The following LINGO2 variants were observed in gnomAD, a reference collection of about 807,000 sequenced individuals.
The protein encoded by LINGO2 is leucine-rich repeat and immunoglobulin-like domain-containing nogo receptor-interacting protein 2.
In LINGO2, 14 loss-of-function variants were observed where a neutral mutation model predicts 30.6. That is an observed-to-expected ratio of 0.46 (90% CI 0.30 to 0.72). The LOEUF (loss-of-function observed/expected upper bound fraction) is 0.72. Among genes scored for constraint, LINGO2 ranks in the 30% least tolerant of loss-of-function variants. The pLI is 0.07. For synonymous variants in LINGO2, 317 were observed against 288.5 expected (o/e 1.10, Z -1.00); for missense variants, 729 against 751.7 (o/e 0.97, Z 0.35).
chr9:28,465,006 T>C (rs1825237702), intron 2 of LINGO2, among the ~76,000 whole-genome samples: 1 of 152,118 alleles, frequency 6.6e-6, no homozygotes, highest in Non-Finnish European at 1.5e-5. Flanking sequence ...GCAAGTAACT[T>C]TGGGCGCCGC....
exon 6 of LINGO2, chr9:27,948,843 G>A (rs1233477459): frequency 1.9e-6 from 3 of 1,600,452 alleles, no homozygotes; most frequent in Admixed American, 1.7e-5. Context: ...AATGTGAGGG[G>A]TGGGCCTTCA....
chr9:28,848,733 G>T, the LINGO2 span, among the ~76,000 whole-genome samples: 61 of 151,590 alleles, frequency 4.0e-4, no homozygotes, highest in African/African-American at 1.4e-3. Context: ...TTTGAACAGG[G>T]TGAAAAGAAA....
chr9:28,478,673 T>C (rs575741400), intron 1 of LINGO2, among the ~76,000 whole-genome samples: 1 of 152,248 alleles, frequency 6.6e-6, no homozygotes. Context: ...CATTTTCCTC[T>C]TCAGACAAAT....
At chr9:28,082,506 C>A (rs532712565) in intron 4 of LINGO2, among the ~76,000 whole-genome samples, 3 of 152,046 alleles carry the variant, frequency 2.0e-5, no homozygotes, top group African/African-American at 7.2e-5. Context: ...TGATTTCTAG[C>A]TGTAAATTAT....
chr9:28,332,173 C>G (rs566938103), intron 3 of LINGO2, among the ~76,000 whole-genome samples: 60 of 152,032 alleles, frequency 3.9e-4, no homozygotes, highest in Non-Finnish European at 7.5e-4. Context: ...AGGCACCTTT[C>G]AATCTCTTTT....
At chr9:28,334,897 G>C (rs1026006492) in intron 3 of LINGO2, among the ~76,000 whole-genome samples, 2 of 152,246 alleles carry the variant, frequency 1.3e-5, no homozygotes, top group Admixed American at 1.3e-4. Flanking sequence ...CAGGCACAAA[G>C]ACAAAGCAGG....
intron 3 of LINGO2, among the ~76,000 whole-genome samples, chr9:28,332,228 T>C (rs1050291971): frequency 1.3e-4 from 20 of 152,098 alleles, no homozygotes; most frequent in African/African-American, 4.8e-4. Flanking sequence ...TAAAAAATCC[T>C]GAAAAGTAGA....
At chr9:28,117,676 A>T (rs1826964101) in intron 4 of LINGO2, among the ~76,000 whole-genome samples, 2 of 136,592 alleles carry the variant, frequency 1.5e-5, no homozygotes, top group Non-Finnish European at 3.1e-5. Context: ...CCGATTTTCC[A>T]GGTGCGTCCG....
intron 4 of LINGO2, among the ~76,000 whole-genome samples, chr9:28,232,776 A>C (rs1282828050): frequency 2.0e-5 from 3 of 151,358 alleles, no homozygotes; most frequent in Non-Finnish European, 4.4e-5. Context: ...CTCACTCCCC[A>C]TGCCCTGCCA....
chr9:28,472,590 T>TA (rs956754491), intron 2 of LINGO2, among the ~76,000 whole-genome samples: 4 of 152,094 alleles, frequency 2.6e-5, no homozygotes, highest in South Asian at 2.1e-4. Context: ...ATATTTAGAT[T>TA]AAAAAAACCC....
At chr9:28,957,607 A>G in the LINGO2 span, among the ~76,000 whole-genome samples, 2 of 152,146 alleles carry the variant, frequency 1.3e-5, no homozygotes, top group Non-Finnish European at 2.9e-5. Context: ...AATGTCTCCA[A>G]TCTGTGGAAT....
intron 5 of LINGO2, among the ~76,000 whole-genome samples, chr9:27,986,184 A>T (rs1821115396): frequency 6.6e-6 from 1 of 151,552 alleles, no homozygotes; most frequent in Non-Finnish European, 1.5e-5. Flanking sequence ...GCCAGAGAAG[A>T]CAGAAAAGAG....
At chr9:28,927,581 C>T in the LINGO2 span, among the ~76,000 whole-genome samples, 1 of 152,100 alleles carries the variant, frequency 6.6e-6, no homozygotes, top group Non-Finnish European at 1.5e-5. Flanking sequence ...TAAATTCTTA[C>T]CCCTCAGGAC....
chr9:28,651,476 A>G (rs543149048), intron 1 of LINGO2, among the ~76,000 whole-genome samples: 128 of 152,196 alleles, frequency 8.4e-4, no homozygotes, highest in South Asian at 1.7e-3. Flanking sequence ...CTGCTCCCCA[A>G]TGCAAGAACA....
intron 1 of LINGO2, among the ~76,000 whole-genome samples, chr9:28,497,157 A>C (rs1819666982): frequency 6.6e-6 from 1 of 152,042 alleles, no homozygotes; most frequent in Admixed American, 6.6e-5. Context: ...TCTTCTCGAG[A>C]AGTATCTCTG....
At chr9:28,551,689 C>T (rs1822290745) in intron 1 of LINGO2, among the ~76,000 whole-genome samples, 1 of 152,018 alleles carries the variant, frequency 6.6e-6, no homozygotes, top group African/African-American at 2.4e-5. Flanking sequence ...AATTTCTCTG[C>T]AATATGATTA....
rs575639911 is a variant in LINGO2 at position 28,317,218 on chromosome 9, T to C, written c.-245-21852A>G. Among the ~76,000 whole-genome samples, 25 of 152,046 alleles carry C rather than the reference T, an allele frequency of 1.6e-4. No individual in the cohort carries two copies. The South Asian group carries it at 4.6e-3, about 28-fold the overall frequency. On this transcript the variant is annotated intron_variant, in intron 3 of 5. Transcript: ENST00000379992. ...TGCATTCAGCATGTGATGCATTTTGTCAGTATGAGTTCCATATATATTTGT... is the reference window on the plus strand; with the variant it reads ...TGCATTCAGCATGTGATGCATTTTGCCAGTATGAGTTCCATATATATTTGT...
chr9:28,285,398 ATTTTTTTTT>A (rs34034595), intron 4 of LINGO2, among the ~76,000 whole-genome samples: 2 of 76,166 alleles, frequency 2.6e-5, no homozygotes, highest in South Asian at 1.2e-3. Flanking sequence ...GCCCAAGATC[ATTTTTTTTT>A]TTTTTTTTTT....
At chr9:28,227,303 C>A (rs1821203759) in intron 4 of LINGO2, among the ~76,000 whole-genome samples, 1 of 152,072 alleles carries the variant, frequency 6.6e-6, no homozygotes, top group Admixed American at 6.6e-5. Flanking sequence ...TTACTAAATT[C>A]CATGGACCAT....
Sources: gnomAD v4.1 joint callset for allele counts (sites outside exome capture counted in the v4.1 genomes callset) on GRCh38, gnomAD v4.1.1 for gene constraint, MANE v1.5 for transcripts, NCBI Gene and HGNC (gene_info 2026-07-23, HGNC 2026-07-21) for gene names.